Variants in PHF24 observed in about 807,000 individuals in gnomAD.
The protein encoded by PHF24 is PHD finger protein 24.
Under a neutral mutation model 42.6 loss-of-function variants are expected in PHF24, and 25 were observed. That is an observed-to-expected ratio of 0.59 (90% confidence interval 0.43 to 0.82). The LOEUF is 0.82. PHF24 is among the 40% of genes least tolerant of loss of function. The pLI, the probability that PHF24 is intolerant of heterozygous loss-of-function variation, is 0.00. For missense variants in PHF24, 470 were observed against 538.1 expected, an observed-to-expected ratio of 0.87 and a Z score of 1.25; for synonymous variants, 185 against 204.8, an observed-to-expected ratio of 0.90 and a Z score of 0.83.
the PHF24 span, among the ~76,000 whole-genome samples, chr9:34,818,796 T>A: frequency 1.3e-3 from 203 of 152,178 alleles, no homozygotes; most frequent in South Asian, 2.7e-3. Flanking sequence ...TAATTTTTTT[T>A]AAAAAATAGT....
At chr9:34,701,385 G>A in the PHF24 span, among the ~76,000 whole-genome samples, 1 of 152,174 alleles carries the variant, frequency 6.6e-6, no homozygotes, top group Non-Finnish European at 1.5e-5. This position sits in a 1 kb window ranked among gnomAD's most constrained non-coding sequence, Gnocchi z 5.8. Context: ...GGCGACCGGG[G>A]CATGTGTGCG....
the PHF24 span, among the ~76,000 whole-genome samples, chr9:34,907,850 T>C: frequency 6.6e-6 from 1 of 152,198 alleles, no homozygotes; most frequent in Non-Finnish European, 1.5e-5. Flanking sequence ...TTGTTTTGTT[T>C]TGTTTCCCCC....
the PHF24 span, among the ~76,000 whole-genome samples, chr9:34,937,012 C>CAGGA: frequency 6.4e-5 from 4 of 62,154 alleles, no homozygotes; most frequent in East Asian, 1.3e-3. Context: ...CCGCCCCGTC[C>CAGGA]GGGAGGGAGG....
the PHF24 span, among the ~76,000 whole-genome samples, chr9:34,680,750 A>G: frequency 6.6e-6 from 1 of 152,114 alleles, no homozygotes; most frequent in Non-Finnish European, 1.5e-5. Context: ...ATACAAGAAG[A>G]GAATAATAAA....
the PHF24 span, chr9:34,723,970 G>C: frequency 6.4e-7 from 1 of 1,550,990 alleles, no homozygotes; most frequent in Non-Finnish European, 8.7e-7. Flanking sequence ...GGGGTGTCTT[G>C]TTTGGAAGCA....
chr9:34,764,605 C>T, the PHF24 span, among the ~76,000 whole-genome samples: 19 of 152,086 alleles, frequency 1.2e-4, no homozygotes, highest in East Asian at 3.3e-3. Flanking sequence ...CTTTATTAGT[C>T]TTGCTAGCGG....
the PHF24 span, among the ~76,000 whole-genome samples, chr9:34,684,898 C>T: frequency 6.6e-6 from 1 of 152,128 alleles, no homozygotes; most frequent in Non-Finnish European, 1.5e-5. Context: ...TCTGCATCCC[C>T]CTGGAGCCAC....
chr9:34,671,224 G>A, the PHF24 span, among the ~76,000 whole-genome samples: 2 of 152,186 alleles, frequency 1.3e-5, no homozygotes, highest in South Asian at 4.1e-4. Flanking sequence ...GGTTTGGTCT[G>A]CTCACAGAGT....
the PHF24 span, among the ~76,000 whole-genome samples, chr9:34,876,381 T>G: frequency 2.0e-5 from 3 of 152,092 alleles, no homozygotes. Flanking sequence ...TATTACTAAG[T>G]GAAGAAGTCA....
At chr9:34,790,324 A>G in the PHF24 span, among the ~76,000 whole-genome samples, 1 of 152,252 alleles carries the variant, frequency 6.6e-6, no homozygotes, top group African/African-American at 2.4e-5. Context: ...CCTTTGTGCA[A>G]GACTGCAGTT....
At chr9:34,681,388 T>C in the PHF24 span, 1 of 128,662 alleles carries the variant, frequency 7.8e-6, no homozygotes, top group Non-Finnish European at 1.6e-5. Context: ...GGAAAACATG[T>C]CACCCCAATA....
the PHF24 span, among the ~76,000 whole-genome samples, chr9:34,674,949 C>T: frequency 2.0e-5 from 3 of 152,098 alleles, no homozygotes; most frequent in Admixed American, 6.6e-5. Context: ...TCACTGTAAC[C>T]ACCACTGGGC....
At chr9:34,946,570 C>T in the PHF24 span, among the ~76,000 whole-genome samples, 1 of 152,142 alleles carries the variant, frequency 6.6e-6, no homozygotes, top group Admixed American at 6.5e-5. Flanking sequence ...TCTAGTTCTA[C>T]ATGGGGTGAT....
chr9:34,801,552 C>A, the PHF24 span, among the ~76,000 whole-genome samples: 3 of 151,970 alleles, frequency 2.0e-5, no homozygotes, highest in Non-Finnish European at 4.4e-5. Flanking sequence ...ATGGTGAAAC[C>A]CTGTCTCTAC....
the PHF24 span, among the ~76,000 whole-genome samples, chr9:34,851,622 C>T: frequency 6.6e-6 from 1 of 152,204 alleles, no homozygotes; most frequent in African/African-American, 2.4e-5. Context: ...CCTGCGCCCA[C>T]TCTCTGGCAC....
chr9:34,772,458 G>A, the PHF24 span, among the ~76,000 whole-genome samples: 1 of 152,032 alleles, frequency 6.6e-6, no homozygotes, highest in Non-Finnish European at 1.5e-5. Context: ...CAGAGAGGAA[G>A]GTCGGACAAA....
the PHF24 span, among the ~76,000 whole-genome samples, chr9:34,878,199 T>C: frequency 1.3e-5 from 2 of 152,174 alleles, no homozygotes; most frequent in Non-Finnish European, 2.9e-5. Context: ...CTCCACTCAA[T>C]TTTTCTGCAG....
chr9:34,717,494 C>T, the PHF24 span, among the ~76,000 whole-genome samples: 5 of 152,114 alleles, frequency 3.3e-5, no homozygotes, highest in East Asian at 7.7e-4. Flanking sequence ...TGGGGGCCCT[C>T]AGGGAGATGG....
the PHF24 span, chr9:34,917,672 G>A: frequency 2.6e-6 from 2 of 781,346 alleles, no homozygotes; most frequent in Non-Finnish European, 4.8e-6. Context: ...CTGCAGTGTG[G>A]GAGCAGACAG....
Sources: gnomAD v4.1 joint callset for allele counts (sites outside exome capture counted in the v4.1 genomes callset) on GRCh38, gnomAD v4.1.1 for gene constraint, Gnocchi (gnomAD v3.1) non-coding constraint, MANE v1.5 for transcripts, NCBI Gene and HGNC (gene_info 2026-07-23, HGNC 2026-07-21) for gene names.